The following PAK1 variants were observed in gnomAD, a reference collection of about 807,000 sequenced individuals.
PAK1 encodes the protein p21 (RAC1) activated kinase 1.
Under a neutral mutation model 67.4 loss-of-function variants are expected in PAK1, and 29 were observed. That is an observed-to-expected ratio of 0.43 (90% CI 0.32 to 0.59). PAK1 has a LOEUF of 0.59. Ranked by LOEUF, PAK1 falls within the 20% of genes least tolerant of loss-of-function variation. The pLI, the probability that PAK1 is intolerant of heterozygous loss-of-function variation, is 0.07. For synonymous variants in PAK1, 223 were observed against 237.4 expected (o/e 0.94, Z 0.56); for missense variants, 337 against 670.7 (o/e 0.50, Z 5.50).
chr11:77,411,957 G>A lies in PAK1; in HGVS notation c.-21-19416C>T, dbSNP rs567174902. 4 of 152,486 alleles carry A rather than the reference G, an allele frequency of 2.6e-5. No homozygotes were observed. In the South Asian group the frequency reaches 6.2e-4, roughly 24 times the overall value. The allele number at this position is 152,486 out of a possible 1,614,324, so 9.4% of individuals were successfully genotyped here. On this transcript the variant is annotated intron_variant, in intron 1 of 14. Transcript: ENST00000356341. ...GTGCAGCACGCTCGCGCTCTCGCAG[G>A]GCGGCAGCGAAGGCGCCGCGTCGGG...
intron 1 of PAK1, among the ~76,000 whole-genome samples, chr11:77,418,612 CTTCA>C (rs1234954652): frequency 6.6e-6 from 1 of 152,194 alleles, no homozygotes; most frequent in African/African-American, 2.4e-5. Flanking sequence ...AAATGCAGAA[CTTCA>C]TTGTCTTCCT....
chr11:77,349,873 A>AT (rs1174231311), intron 8 of PAK1, among the ~76,000 whole-genome samples: 2 of 152,042 alleles, frequency 1.3e-5, no homozygotes, highest in Non-Finnish European at 2.9e-5. Context: ...GTGGGCCAGC[A>AT]TATCTTATTT....
chr11:77,526,198 A>G, the PAK1 span, among the ~76,000 whole-genome samples: 2 of 152,188 alleles, frequency 1.3e-5, no homozygotes, highest in Non-Finnish European at 2.9e-5. Flanking sequence ...AATCTAACGC[A>G]TTTATTCTTT....
chr11:77,488,126 T>C, the PAK1 span, among the ~76,000 whole-genome samples: 6 of 152,202 alleles, frequency 3.9e-5, no homozygotes, highest in African/African-American at 1.4e-4. Flanking sequence ...AGCAAGAGTC[T>C]CTACTTGGTA....
chr11:77,528,995 A>T, the PAK1 span, among the ~76,000 whole-genome samples: 3 of 152,194 alleles, frequency 2.0e-5, no homozygotes, highest in African/African-American at 7.2e-5. Context: ...TGTCAGCCTC[A>T]TCTATCTATT....
chr11:77,373,010 A>G (rs574024636), intron 5 of PAK1, among the ~76,000 whole-genome samples: 4 of 152,270 alleles, frequency 2.6e-5, no homozygotes, highest in Admixed American at 1.3e-4. Context: ...ATGCTGCACT[A>G]TAATTGTCTG....
chr11:77,381,793 A>C (rs1949870077), intron 2 of PAK1, among the ~76,000 whole-genome samples: 1 of 152,204 alleles, frequency 6.6e-6, no homozygotes, highest in South Asian at 2.1e-4. Flanking sequence ...CTGATTCCAA[A>C]CGTTCATTCT....
intron 1 of PAK1, among the ~76,000 whole-genome samples, chr11:77,419,460 A>G (rs573600789): frequency 8.5e-5 from 13 of 152,264 alleles, no homozygotes; most frequent in African/African-American, 3.1e-4. Flanking sequence ...TTTTTAAGTC[A>G]CTTATCTCTC....
intron 1 of PAK1, among the ~76,000 whole-genome samples, chr11:77,468,230 G>A (rs1425762712): frequency 2.6e-5 from 4 of 152,160 alleles, no homozygotes; most frequent in Non-Finnish European, 5.9e-5. Context: ...ACCTAACTCT[G>A]ACTCCAGGAA....
At chr11:77,404,070 A>G (rs1953099473) in intron 1 of PAK1, among the ~76,000 whole-genome samples, 1 of 152,122 alleles carries the variant, frequency 6.6e-6, no homozygotes, top group African/African-American at 2.4e-5. Flanking sequence ...CACCAGATGC[A>G]GGTACCTTGG....
chr11:77,463,303 CA>C (rs1458755920), intron 1 of PAK1, among the ~76,000 whole-genome samples: 1 of 151,846 alleles, frequency 6.6e-6, no homozygotes, highest in Admixed American at 6.6e-5. Context: ...AGCAAAATAC[CA>C]CAGAATCTAA....
chr11:77,399,147 GAACA>G (rs1264082104), intron 1 of PAK1, among the ~76,000 whole-genome samples: 8 of 152,056 alleles, frequency 5.3e-5, no homozygotes, highest in Non-Finnish European at 4.4e-5. Flanking sequence ...TAGAAACCAA[GAACA>G]AATAGATGAA....
At chr11:77,418,196 T>C (rs1283976855) in intron 1 of PAK1, among the ~76,000 whole-genome samples, 7 of 152,198 alleles carry the variant, frequency 4.6e-5, no homozygotes, top group African/African-American at 1.7e-4. Flanking sequence ...GACACAAAAT[T>C]ACTCTGACAA....
chr11:77,340,845 TAC>T, intron 10 of PAK1, 82 bp from the exon 11 acceptor site: 3 of 809,114 alleles, frequency 3.7e-6, no homozygotes, highest in Non-Finnish European at 6.7e-6. Flanking sequence ...GCTAAGCATA[TAC>T]ACAGAGTGAA....
At chr11:77,346,226 C>G (rs866549130) in intron 9 of PAK1, among the ~76,000 whole-genome samples, 3 of 152,206 alleles carry the variant, frequency 2.0e-5, no homozygotes, top group Non-Finnish European at 2.9e-5. Context: ...CCTGCCTCAG[C>G]CTCCCAAAGT....
intron 1 of PAK1, among the ~76,000 whole-genome samples, chr11:77,462,930 G>A (rs1243811604): frequency 7.9e-6 from 1 of 126,522 alleles, no homozygotes; most frequent in Non-Finnish European, 1.6e-5. Context: ...CAATCAAAGT[G>A]CCTACTATAG....
At chr11:77,405,297 G>C (rs1953320314) in intron 1 of PAK1, among the ~76,000 whole-genome samples, 1 of 152,144 alleles carries the variant, frequency 6.6e-6, no homozygotes. Flanking sequence ...TGGCTTTTCA[G>C]CAAGTGTGGA....
intron 5 of PAK1, among the ~76,000 whole-genome samples, chr11:77,367,782 T>A (rs1947807337): frequency 6.6e-6 from 1 of 152,002 alleles, no homozygotes; most frequent in South Asian, 2.1e-4. Context: ...ATCGAAATCA[T>A]CCTGGCCAAC....
intron 14 of PAK1, among the ~76,000 whole-genome samples, chr11:77,327,141 G>A (rs1469565696): frequency 1.3e-5 from 2 of 152,126 alleles, no homozygotes; most frequent in Non-Finnish European, 2.9e-5. Flanking sequence ...ATGTGAAAAG[G>A]CCAAATCTAC....
Sources: allele counts gnomAD v4.1 joint callset (sites outside exome capture counted in the v4.1 genomes callset), GRCh38; gene constraint gnomAD v4.1.1; transcripts MANE v1.5; gene names NCBI Gene and HGNC (gene_info 2026-07-23, HGNC 2026-07-21).